Variants in SLC12A7 observed in about 807,000 individuals in gnomAD.
The protein encoded by SLC12A7 is K-Cl cotransporter 4.
SLC12A7 carries 100 observed loss-of-function variants against 120.6 expected under a neutral mutation model. That is an observed-to-expected ratio of 0.83 (90% confidence interval 0.71 to 0.98). SLC12A7 has a LOEUF of 0.98. Ranked by LOEUF, SLC12A7 falls within the 50% of genes least tolerant of loss-of-function variation. SLC12A7 has a pLI of 0.00. For missense variants in SLC12A7, 1,373 were observed against 1,548.1 expected (o/e 0.89, Z 1.90); for synonymous variants, 760 against 678.0 (o/e 1.12, Z -1.88).
intron 12 of SLC12A7, among the ~76,000 whole-genome samples, chr5:1,077,081 A>G (rs1738440202): frequency 2.7e-5 from 2 of 72,882 alleles, no homozygotes; most frequent in African/African-American, 7.6e-5. Context: ...AGTTTCCCCG[A>G]CCACACAACA....
chr5:1,057,457 G>A lies in SLC12A7; in HGVS notation c.3026+14C>T, dbSNP rs200980615. 1,242 of 1,601,432 alleles carry A rather than the reference G, an allele frequency of 7.8e-4. No individual in the cohort carries two copies. Among genetic ancestry groups the A allele is most frequent in the Non-Finnish European group, 1.0e-3 (1,185 of 1,175,578 alleles). The stretch of plus-strand genomic sequence containing the variant: ...AGGATCTGTTCCCCCCAGGCCACAC[G>A]CACGGACACTCACGGCTTCATGCTG... On this transcript the variant is annotated intron_variant, in intron 22 of 23. Transcript: ENST00000264930.
In SLC12A7 at chr5:1,050,449, G is replaced by A. The variant is rs962014493; in HGVS notation, c.*1911C>T. 7.7e-5 allele frequency: 13 copies of A among 168,202 alleles called. No homozygotes were observed. Among genetic ancestry groups the A allele is most frequent in the African/African-American group, 1.7e-4 (7 of 42,150 alleles). The allele number at this position is 168,202 out of a possible 1,614,324, so 10.4% of individuals were successfully genotyped here. On this transcript the variant is annotated 3_prime_UTR_variant, in exon 24 of 24. Transcript: ENST00000264930. ...GACAGGGAAACCTACAAAAGGAAAC[G>A]GAGTCAATTGTAAATGGCTGTAGTT...
At chr5:1,125,923 C>CAAAAAA in the SLC12A7 span, among the ~76,000 whole-genome samples, 18 of 100,616 alleles carry the variant, frequency 1.8e-4, no homozygotes, top group African/African-American at 6.3e-4. Context: ...GGCCCTGCCT[C>CAAAAAA]AAAAAAAAAA....
chr5:1,055,630 G>T (rs1019958844), intron 22 of SLC12A7, among the ~76,000 whole-genome samples: 4 of 152,206 alleles, frequency 2.6e-5, no homozygotes, highest in African/African-American at 9.7e-5. Context: ...AGGCCTGTGG[G>T]GACCTGCCCC....
chr5:1,082,831 G>C (rs1287395583), intron 8 of SLC12A7, among the ~76,000 whole-genome samples: 66 of 146,770 alleles, frequency 4.5e-4, no homozygotes, highest in Non-Finnish European at 7.7e-4. Context: ...TCCCGTCTTG[G>C]GTTCTGGAAA....
intron 1 of SLC12A7, among the ~76,000 whole-genome samples, chr5:1,107,874 A>G (rs1421903448): frequency 6.6e-6 from 1 of 152,190 alleles, no homozygotes; most frequent in Non-Finnish European, 1.5e-5. Context: ...AGACCTGAAC[A>G]CGAGGCCACA....
At chr5:1,142,888 GAGT>G in the SLC12A7 span, among the ~76,000 whole-genome samples, 10 of 152,050 alleles carry the variant, frequency 6.6e-5, no homozygotes, top group Admixed American at 2.6e-4. Context: ...AGGTAAGGGG[GAGT>G]AGGTCAGCAG....
intron 20 of SLC12A7, among the ~76,000 whole-genome samples, chr5:1,061,799 G>T (rs115158701): frequency 4.2e-5 from 3 of 70,782 alleles, no homozygotes; most frequent in Admixed American, 1.4e-4. Flanking sequence ...AAAATACAAA[G>T]AAAAAAAAAA....
At chr5:1,079,665 A>G (rs541155240) in intron 9 of SLC12A7, among the ~76,000 whole-genome samples, 169 bp from the exon 10 acceptor site, 172 of 152,272 alleles carry the variant, frequency 1.1e-3, no homozygotes, top group African/African-American at 3.9e-3. Flanking sequence ...ACTGCGGCTG[A>G]GGGGATGCGG....
intron 8 of SLC12A7, among the ~76,000 whole-genome samples, chr5:1,082,376 CGGGTTCTGG>C (rs1739270403): frequency 7.8e-6 from 1 of 129,026 alleles, no homozygotes; most frequent in Non-Finnish European, 1.6e-5. Flanking sequence ...CTTCCCGTCT[CGGGTTCTGG>C]AAAGTCCAGG....
chr5:1,088,757 T>A lies in SLC12A7; in HGVS notation c.489+225A>T, dbSNP rs4074564. Among the ~76,000 whole-genome samples the A allele has an allele frequency of 0.32, 49,221 of 152,150 alleles. 9,841 individuals carry two copies. Among genetic ancestry groups the A allele is most frequent in the Non-Finnish European group, 0.45 (30,446 of 67,964 alleles). The stretch of plus-strand genomic sequence containing the variant: ...AGCACGCCAGTCAACACGCCAGCAC[T>A]AACCCCGGACAGTGTGGCATCTCAT... On this transcript the variant is annotated intron_variant, in intron 4 of 23. Transcript: ENST00000264930.
chr5:1,152,611 G>T, the SLC12A7 span, among the ~76,000 whole-genome samples: 1 of 152,116 alleles, frequency 6.6e-6, no homozygotes, highest in African/African-American at 2.4e-5. Context: ...AGAGAAGGGA[G>T]ACCCCCAAGC....
In SLC12A7 at chr5:1,078,688, G is replaced by A. The variant is rs1459166836; in HGVS notation, c.1454+13C>T. 8 of 1,609,356 alleles carry A rather than the reference G, an allele frequency of 5.0e-6. No individual in the cohort carries two copies. Among genetic ancestry groups the A allele is most frequent in the South Asian group, 1.1e-5 (1 of 90,920 alleles). The stretch of plus-strand genomic sequence containing the variant: ...CTACAGGCTTTGCACGAAAACTGCA[G>A]GTGGAAACGTACTTATCTCGTAAGA... On this transcript the variant is annotated intron_variant, in intron 11 of 23. Transcript: ENST00000264930.
chr5:1,123,028 T>TG, the SLC12A7 span, among the ~76,000 whole-genome samples: 55 of 152,328 alleles, frequency 3.6e-4, no homozygotes, highest in African/African-American at 1.3e-3. Context: ...TCCTGTTACC[T>TG]GGGGTGGCTA....
chr5:1,085,096 T>G, intron 7 of SLC12A7, 136 bp downstream of exon 7: 1 of 1,252,144 alleles, frequency 8.0e-7, no homozygotes, highest in Non-Finnish European at 1.1e-6. Context: ...CCCACGGGGG[T>G]TCCCGCCACG....
intron 20 of SLC12A7, among the ~76,000 whole-genome samples, chr5:1,061,997 C>T (rs1397969613): frequency 6.6e-6 from 1 of 152,234 alleles, no homozygotes; most frequent in Non-Finnish European, 1.5e-5. Context: ...ACGCCCCTCT[C>T]CAGCCAGGTG....
chr5:1,104,452 C>T (rs1742312393), intron 1 of SLC12A7, among the ~76,000 whole-genome samples: 1 of 152,258 alleles, frequency 6.6e-6, no homozygotes, highest in Admixed American at 6.5e-5. Flanking sequence ...AGCTCCAGGC[C>T]ATGGCAGACA....
chr5:1,095,750 G>C (rs1355052163), intron 1 of SLC12A7, among the ~76,000 whole-genome samples: 1 of 152,256 alleles, frequency 6.6e-6, no homozygotes, highest in African/African-American at 2.4e-5. Context: ...CTGGCTGGCT[G>C]ACAGGCACCA....
In SLC12A7 at chr5:1,073,648, A is replaced by G. The variant is rs986657267; in HGVS notation, c.2226T>C (p.Ala742=). Residue 742 remains alanine, a synonymous_variant, in exon 17 of 24, where the codon GCT becomes GCC. Transcript: ENST00000264930. The part of the protein sequence containing the change: ...EGTYLDKHME[A]QRAEENIRSL... ...CCCGGCCCACCTCCTCGGCCCGCTG[A>G]GCCTCCATGTGCTTGTCCAGGTACG... 1 of 1,603,172 alleles carries G rather than the reference A, an allele frequency of 6.2e-7. No individual in the cohort carries two copies. Among genetic ancestry groups the G allele is most frequent in the Non-Finnish European group, 8.5e-7 (1 of 1,175,700 alleles).
Sources: gnomAD v4.1 joint callset for allele counts (sites outside exome capture counted in the v4.1 genomes callset) on GRCh38, gnomAD v4.1.1 for gene constraint, MANE v1.5 for transcripts, NCBI Gene and HGNC (gene_info 2026-07-23, HGNC 2026-07-21) for gene names.